Variants in ZC3H12B observed in about 807,000 individuals in gnomAD.
ZC3H12B encodes the protein zinc finger CCCH-type containing 12B.
In ZC3H12B, 7 loss-of-function variants were observed where a neutral mutation model predicts 43.9. The observed-to-expected ratio is 0.16, with a 90% CI of 0.09 to 0.30. The LOEUF is 0.30. Ranked by LOEUF, ZC3H12B falls within the 10% of genes least tolerant of loss-of-function variation. ZC3H12B has a pLI of 1.00. For missense variants in ZC3H12B, 475 were observed against 670.2 expected, an observed-to-expected ratio of 0.71 and a Z score of 3.22; for synonymous variants, 222 against 241.7, an observed-to-expected ratio of 0.92 and a Z score of 0.76.
At chrX:65,212,581 T>C in the ZC3H12B span, among the ~76,000 whole-genome samples, 1 of 81,195 alleles carries the variant, frequency 1.2e-5, no homozygotes, top group Non-Finnish European at 2.2e-5. Context: ...AATTATACAG[T>C]ATATATTATA....
At chrX:65,129,422 TG>T in the ZC3H12B span, among the ~76,000 whole-genome samples, 1 of 107,744 alleles carries the variant, frequency 9.3e-6, no homozygotes, top group Admixed American at 1.0e-4. Context: ...GAGTTAGGGG[TG>T]GGGCAGTTTT....
the ZC3H12B span, among the ~76,000 whole-genome samples, chrX:65,359,846 A>G: frequency 8.9e-6 from 1 of 112,169 alleles, no homozygotes; most frequent in Non-Finnish European, 1.9e-5. Context: ...ACTGCTGTGG[A>G]TAAAATGTTA....
At chrX:65,142,133 G>A in the ZC3H12B span, among the ~76,000 whole-genome samples, 22 of 112,106 alleles carry the variant, frequency 2.0e-4, no homozygotes, top group Non-Finnish European at 3.6e-4. Flanking sequence ...CACCAGCAGT[G>A]TAGAAGTATT....
At chrX:65,134,828 A>G in the ZC3H12B span, among the ~76,000 whole-genome samples, 1 of 111,330 alleles carries the variant, frequency 9.0e-6, no homozygotes, top group African/African-American at 3.3e-5. Context: ...AAAGGGAGTT[A>G]GGGGTGGGGC....
chrX:65,306,799 G>A, the ZC3H12B span, among the ~76,000 whole-genome samples: 43 of 112,538 alleles, frequency 3.8e-4, no homozygotes, highest in African/African-American at 1.3e-3. Context: ...GAGTGAATAA[G>A]AAAGGTGTTG....
the ZC3H12B span, among the ~76,000 whole-genome samples, chrX:65,297,461 A>C: frequency 1.8e-5 from 2 of 111,486 alleles, no homozygotes; most frequent in African/African-American, 6.5e-5. Flanking sequence ...GACCTCTACA[A>C]GGAAAACTAC....
chrX:65,191,754 C>A, the ZC3H12B span, among the ~76,000 whole-genome samples: 1 of 109,157 alleles, frequency 9.2e-6, no homozygotes, highest in Non-Finnish European at 1.9e-5. Flanking sequence ...AAAACCAGCT[C>A]CTGGATTCAT....
At chrX:65,166,207 AC>A in the ZC3H12B span, among the ~76,000 whole-genome samples, 464 of 109,706 alleles carry the variant, frequency 4.2e-3, 3 homozygotes, top group Non-Finnish European at 6.2e-3. Flanking sequence ...TTCCCACCCC[AC>A]GACAGGCCCC....
rs752279420 is a variant in ZC3H12B, at chrX:65,373,274, T to C, written n.295+4276T>C. Among the ~76,000 whole-genome samples, 125 of 112,018 alleles carry C rather than the reference T, an allele frequency of 1.1e-3. 1 individual carries two copies. The Admixed American group carries it at 0.011, about 10-fold the overall frequency. ...TGGAGAGGATGTGGAGAAATAGGAATACTTTTATACTGTTGGTGGGACTGT... is the reference window on the plus strand; with the variant it reads ...TGGAGAGGATGTGGAGAAATAGGAACACTTTTATACTGTTGGTGGGACTGT... On this transcript the variant is annotated intron_variant and non_coding_transcript_variant, in intron 2 of 5. Transcript: ENST00000617377.
chrX:65,171,632 C>A, the ZC3H12B span, among the ~76,000 whole-genome samples: 1 of 111,332 alleles, frequency 9.0e-6, no homozygotes, highest in African/African-American at 3.3e-5. Context: ...TATGCTGTGC[C>A]CCCAGAGGTG....
chrX:65,121,544 C>T, the ZC3H12B span, among the ~76,000 whole-genome samples: 9 of 110,943 alleles, frequency 8.1e-5, no homozygotes, highest in Non-Finnish European at 1.7e-4. Context: ...TCTCTCTTTT[C>T]TTCTTTATTA....
At chrX:65,398,756 T>C (rs2066730747) in intron 3 of ZC3H12B, 52 bp downstream of exon 5, 1 of 111,743 alleles carries the variant, frequency 8.9e-6, no homozygotes, top group African/African-American at 3.3e-5. Context: ...TTAAGTTAGT[T>C]CTCTATAGCA....
the ZC3H12B span, among the ~76,000 whole-genome samples, chrX:65,126,865 TA>T: frequency 9.2e-6 from 1 of 108,886 alleles, no homozygotes; most frequent in Non-Finnish European, 1.9e-5. Context: ...ATTGTTTTTT[TA>T]TTTATGATAT....
At chrX:65,049,279 T>C in the ZC3H12B span, among the ~76,000 whole-genome samples, 1 of 111,685 alleles carries the variant, frequency 9.0e-6, no homozygotes, top group Non-Finnish European at 1.9e-5. Context: ...CCTTATGTTT[T>C]CTTCTAGGAG....
chrX:65,463,608 C>T (rs1409287940), intron 3 of ZC3H12B, among the ~76,000 whole-genome samples: 1 of 111,062 alleles, frequency 9.0e-6, no homozygotes, highest in African/African-American at 3.3e-5. Flanking sequence ...CCTTCCTTGC[C>T]TCTCCAGCTT....
At chrX:65,167,733 T>C in the ZC3H12B span, among the ~76,000 whole-genome samples, 1 of 111,854 alleles carries the variant, frequency 8.9e-6, no homozygotes, top group African/African-American at 3.2e-5. Context: ...GGTTTGTAGT[T>C]CTCCTTGAAG....
intron 3 of ZC3H12B, among the ~76,000 whole-genome samples, chrX:65,458,770 A>T (rs771471596): frequency 1.1e-4 from 12 of 111,922 alleles, no homozygotes; most frequent in Non-Finnish European, 2.1e-4. Flanking sequence ...AGGATCGAAA[A>T]TTGACACCCT....
At chrX:65,312,071 CA>C in the ZC3H12B span, among the ~76,000 whole-genome samples, 1 of 111,136 alleles carries the variant, frequency 9.0e-6, no homozygotes, top group African/African-American at 3.3e-5. Flanking sequence ...TGCAGCAAAC[CA>C]ACATGGCATA....
At chrX:65,279,182 TCTG>T in the ZC3H12B span, among the ~76,000 whole-genome samples, 1 of 111,191 alleles carries the variant, frequency 9.0e-6, no homozygotes, top group East Asian at 2.8e-4. Flanking sequence ...GAATGGTACT[TCTG>T]CTTTTAGCTC....
Sources: gnomAD v4.1 joint callset for allele counts (sites outside exome capture counted in the v4.1 genomes callset) on GRCh38, gnomAD v4.1.1 for gene constraint, MANE v1.5 for transcripts, NCBI Gene and HGNC (gene_info 2026-07-23, HGNC 2026-07-21) for gene names.